TK2: variants seen among roughly 807,000 people sequenced by gnomAD.
TK2 encodes the protein thymidine kinase 2.
In TK2, 35 loss-of-function variants were observed where a neutral mutation model predicts 41.9. That is an observed-to-expected ratio of 0.84 (90% CI 0.64 to 1.11). TK2 has a LOEUF of 1.11. TK2 is among the 50% of genes least tolerant of loss of function. The pLI is 0.00. For synonymous variants in TK2, 128 were observed against 129.1 expected, an observed-to-expected ratio of 0.99 and a Z score of 0.06; for missense variants, 320 against 351.1, an observed-to-expected ratio of 0.91 and a Z score of 0.71.
intron 2 of TK2, among the ~76,000 whole-genome samples, chr16:66,546,369 C>A (rs1223228341): frequency 1.3e-5 from 2 of 152,156 alleles, no homozygotes; most frequent in African/African-American, 4.8e-5. Context: ...ATGCAAATTA[C>A]AATAAAGCTG....
intron 3 of TK2, 73 bp downstream of exon 3, chr16:66,541,805 GT>G: frequency 6.8e-7 from 1 of 1,471,682 alleles, no homozygotes; most frequent in Non-Finnish European, 9.5e-7. Context: ...ATTGGACAAG[GT>G]TAGTCCACAC....
rs778344652 is a variant in TK2 at position 66,513,453 on chromosome 16, C to T, written c.699+278G>A. Among the ~76,000 whole-genome samples, 15 of 152,136 alleles carry T rather than the reference C, an allele frequency of 9.9e-5. 1 individual carries two copies. Among genetic ancestry groups the T allele is most frequent in the Non-Finnish European group, 1.5e-4 (10 of 68,034 alleles). On this transcript the variant is annotated intron_variant, in intron 9 of 9. Transcript: ENST00000544898. ...ATCCCAAATGGTGAAAACTGAGACCCGGGTCTAGAGTCTTCGCTGAAGATG... is the reference window on the plus strand; with the variant it reads ...ATCCCAAATGGTGAAAACTGAGACCTGGGTCTAGAGTCTTCGCTGAAGATG...
At chr16:66,532,712 G>T (rs557868263) in intron 4 of TK2, among the ~76,000 whole-genome samples, 1 of 152,032 alleles carries the variant, frequency 6.6e-6, no homozygotes, top group Non-Finnish European at 1.5e-5. Context: ...AAACACTGAT[G>T]AAAGAAATTG....
At position 66,550,110 on chromosome 16, in the gene TK2, G is replaced by A. The variant is rs567684342; in HGVS notation, c.-49C>T. 28 of 1,610,030 alleles carry A rather than the reference G, an allele frequency of 1.7e-5. No homozygotes were observed. The South Asian group carries it at 2.1e-4, about 12-fold the overall frequency. On this transcript the variant is annotated 5_prime_UTR_variant, in exon 1 of 10. Transcript: ENST00000544898. ...CCCGGGGTTCCTTCTTGTGCGAGTC[G>A]GCGCGGACGACTGCTAGTCCAGCCG...
chr16:66,525,569 C>T (rs1006347233), intron 6 of TK2, among the ~76,000 whole-genome samples: 3 of 152,046 alleles, frequency 2.0e-5, no homozygotes, highest in African/African-American at 7.3e-5. Context: ...TGAGGAACAC[C>T]GCCTTTTCTC....
intron 8 of TK2, among the ~76,000 whole-genome samples, chr16:66,516,751 G>T (rs1964626564): frequency 6.6e-6 from 1 of 152,138 alleles, no homozygotes; most frequent in Non-Finnish European, 1.5e-5. Context: ...GTGAACAAGA[G>T]GGCTGGGTCC....
At chr16:66,518,869 C>G (rs1369652650) in intron 6 of TK2, among the ~76,000 whole-genome samples, 2 of 152,112 alleles carry the variant, frequency 1.3e-5, no homozygotes, top group Non-Finnish European at 2.9e-5. Flanking sequence ...TTCTTTATAC[C>G]TTTTTGTATT....
chr16:66,526,529 C>T (rs942157956), intron 6 of TK2, among the ~76,000 whole-genome samples: 2 of 152,166 alleles, frequency 1.3e-5, no homozygotes, highest in African/African-American at 4.8e-5. Flanking sequence ...GCAGGAGGAT[C>T]GCTTGAGCCC....
intron 4 of TK2, among the ~76,000 whole-genome samples, chr16:66,535,532 A>G (rs898865957): frequency 6.6e-6 from 1 of 152,150 alleles, no homozygotes; most frequent in Non-Finnish European, 1.5e-5. Context: ...TCTCTTTAGG[A>G]TTCTTTATTG....
upstream of TK2, chr16:66,550,125 TAG>T (rs1567544566): frequency 6.2e-7 from 1 of 1,611,862 alleles, no homozygotes; most frequent in Admixed American, 1.7e-5. Context: ...GGACGACTGC[TAG>T]TCCAGCCGTT....
intron 9 of TK2, among the ~76,000 whole-genome samples, chr16:66,512,278 A>G (rs1441747109): frequency 3.9e-5 from 6 of 152,184 alleles, no homozygotes; most frequent in Non-Finnish European, 8.8e-5. Flanking sequence ...AATGTACTAC[A>G]AGAGCTAGGT....
At chr16:66,532,738 A>C (rs774911717) in intron 4 of TK2, among the ~76,000 whole-genome samples, 4 of 152,308 alleles carry the variant, frequency 2.6e-5, no homozygotes, top group South Asian at 2.1e-4. Flanking sequence ...AACACACACA[A>C]AAAAAGAGAT....
At chr16:66,531,754 G>A (rs952445171) in intron 4 of TK2, among the ~76,000 whole-genome samples, 2 of 152,218 alleles carry the variant, frequency 1.3e-5, no homozygotes, top group Non-Finnish European at 2.9e-5. Flanking sequence ...AAATTGGAAA[G>A]GAAGAAGTCA....
At chr16:66,549,683 T>G (rs1965723793) in intron 1 of TK2, 1 of 1,231,650 alleles carries the variant, frequency 8.1e-7, no homozygotes, top group Non-Finnish European at 1.0e-6. Context: ...TGGGCCGGAA[T>G]GTTCAGAGCG....
Position 66,549,022 on chromosome 16 carries a change from G to A in TK2, c.125-13C>T, listed in dbSNP as rs1373389153. On this transcript the variant is annotated splice_polypyrimidine_tract_variant and intron_variant, in intron 1 of 9. Transcript: ENST00000544898. ...TCCTGTTCTTTATCTACAAAAGAAA[G>A]GAAATCAGTTTTTAAACTCACTTTT... 6 of 1,613,408 alleles carry A rather than the reference G, an allele frequency of 3.7e-6. No homozygotes were observed. In the South Asian group the frequency reaches 5.5e-5, roughly 15 times the overall value.
intron 2 of TK2, chr16:66,546,516 T>C (rs1965611929): frequency 6.6e-6 from 1 of 152,138 alleles, no homozygotes; most frequent in African/African-American, 2.4e-5. Context: ...AGACTGAGAA[T>C]TTCGGCATTA....
intron 9 of TK2, 97 bp from the exon 10 acceptor site, chr16:66,512,163 G>T: frequency 2.8e-6 from 3 of 1,073,124 alleles, no homozygotes; most frequent in Admixed American, 3.5e-5. Flanking sequence ...GCAGCAGGGG[G>T]CAGGGAAGGG....
chr16:66,510,127 G>C lies in TK2; in HGVS notation c.*1841C>G, dbSNP rs967292058. ...ACTTCAAAATCAACAACAGGGCTTAGGTGAAGGAGTTATTGGGTATCACAG... is the reference window on the plus strand; with the variant it reads ...ACTTCAAAATCAACAACAGGGCTTACGTGAAGGAGTTATTGGGTATCACAG... On this transcript the variant is annotated 3_prime_UTR_variant, in exon 10 of 10. Coordinates refer to ENST00000544898, the MANE Select transcript of TK2 (RefSeq NM_004614.5). 4.0e-5 allele frequency: 6 copies of C among 151,222 alleles called. No homozygotes were observed. The highest frequency in any genetic ancestry group is 1.5e-4 in the African/African-American group (6 of 41,230). The allele number at this position is 151,222 out of a possible 1,614,324, so 9.4% of individuals were successfully genotyped here. A position where few individuals can be genotyped will look rare whatever the true frequency, so the allele number is the denominator to read the frequency against.
intron 4 of TK2, among the ~76,000 whole-genome samples, chr16:66,536,521 C>T (rs1408554924): frequency 6.6e-6 from 1 of 152,114 alleles, no homozygotes; most frequent in Non-Finnish European, 1.5e-5. Flanking sequence ...CCAGGTAAGC[C>T]AGAGGTGGCC....
Sources: allele counts gnomAD v4.1 joint callset (sites outside exome capture counted in the v4.1 genomes callset), GRCh38; gene constraint gnomAD v4.1.1; transcripts MANE v1.5; gene names NCBI Gene and HGNC (gene_info 2026-07-23, HGNC 2026-07-21).